Variants in NLRP9 observed in about 807,000 individuals in gnomAD.
NLRP9 encodes the protein NACHT, LRR and PYD domains-containing protein 9.
In NLRP9, 88 loss-of-function variants were observed where a neutral mutation model predicts 83.1. That is an observed-to-expected ratio of 1.06 (90% confidence interval 0.89 to 1.26). The LOEUF (loss-of-function observed/expected upper bound fraction) is 1.26, where lower values mean the gene tolerates loss of function less well. Ranked by LOEUF, NLRP9 falls within the 50% of genes most tolerant of loss-of-function variation. The probability of loss-of-function intolerance (pLI) is 0.00; values close to 1 mark genes in which losing one functional copy is unlikely to be tolerated. For missense variants in NLRP9, 1,308 were observed against 1,179.3 expected, an observed-to-expected ratio of 1.11 and a Z score of -1.60; for synonymous variants, 521 against 447.6, an observed-to-expected ratio of 1.16 and a Z score of -2.07.
At chr19:55,711,323 AT>A in intron 8 of NLRP9, 1 of 986,164 alleles carries the variant, frequency 1.0e-6, no homozygotes, top group African/African-American at 1.7e-5. Context: ...CATCCTACAG[AT>A]TTCAAATAGG....
rs760100132 is a variant in NLRP9 at position 55,724,157 on chromosome 19, A to T, written c.1995-13T>A. On this transcript the variant is annotated splice_polypyrimidine_tract_variant and intron_variant, in intron 3 of 8. Transcript: ENST00000332836. ...CACAGAAGTAAATCTGCAAAAGATT[A>T]AAAAAAAAATAGCATCATGCAATGA... 9.2e-6 allele frequency: 11 copies of T among 1,189,982 alleles called. No homozygotes were observed. Among genetic ancestry groups the T allele is most frequent in the Admixed American group, 2.4e-5 (1 of 41,536 alleles). The allele number at this position is 1,189,982 out of a possible 1,614,324, so 73.7% of individuals were successfully genotyped here.
At chr19:55,719,808 A>G (rs969298441) in intron 4 of NLRP9, among the ~76,000 whole-genome samples, 1 of 152,220 alleles carries the variant, frequency 6.6e-6, no homozygotes, top group Non-Finnish European at 1.5e-5. Flanking sequence ...AAGCTCAGTG[A>G]ATTTTTAAGC....
At chr19:55,736,763 G>A (rs1393315827) in intron 1 of NLRP9, among the ~76,000 whole-genome samples, 1 of 151,814 alleles carries the variant, frequency 6.6e-6, no homozygotes, top group Non-Finnish European at 1.5e-5. Flanking sequence ...GAACCTGGGA[G>A]GCAGAAGTTG....
Position 55,732,997 on chromosome 19 carries a change from C to T in NLRP9, c.834G>A (p.Leu278=), listed in dbSNP as rs1156555260. 3 of 1,614,026 alleles carry T rather than the reference C, an allele frequency of 1.9e-6. No individual in the cohort carries two copies. In the African/African-American group the frequency reaches 4.0e-5, roughly 22 times the overall value. Residue 278 remains leucine (L), a synonymous_variant, in exon 2 of 9, where the codon CTG becomes CTA. Transcript: ENST00000332836. ...ACATAAAATAGTGTTTTTGCATAGC[C>T]AGTTTTCCTAATGCAATAAGGAGAG... ...ESSLLIALGK[L]AMQKHYFMLR... is the part of the protein sequence containing the mutation.
chr19:55,731,980 G>T lies in NLRP9; in HGVS notation c.1832+19C>A, dbSNP rs756410048. The T allele has an allele frequency of 4.8e-6, 7 of 1,464,876 alleles. No individual in the cohort carries two copies. The highest frequency in any genetic ancestry group is 4.2e-5 in the Admixed American group (2 of 47,628). 90.7% of individuals were successfully genotyped at this position (1,464,876 alleles called of 1,614,324 possible). On this transcript the variant is annotated intron_variant, in intron 2 of 8. Coordinates refer to ENST00000332836, the MANE Select transcript of NLRP9 (RefSeq NM_176820.4). ...TCCAAGTGTAGTGTGTGGGACGGGG[G>T]ATTAATAGACAGACTCACTCTGAGA...
At chr19:55,723,150 A>G (rs1988283925) in intron 4 of NLRP9, among the ~76,000 whole-genome samples, 1 of 152,188 alleles carries the variant, frequency 6.6e-6, no homozygotes, top group South Asian at 2.1e-4. Flanking sequence ...TATAATAATA[A>G]TAATAATAGA....
chr19:55,731,771 G>C (rs1376188001), intron 2 of NLRP9, among the ~76,000 whole-genome samples: 1 of 149,238 alleles, frequency 6.7e-6, no homozygotes, highest in Non-Finnish European at 1.5e-5. Context: ...AATCTCACAC[G>C]AGCCCTATGA....
Position 55,711,825 on chromosome 19 carries a change from G to C in NLRP9, c.2818C>G (p.Pro940Ala). 2 of 1,613,254 alleles carry C rather than the reference G, an allele frequency of 1.2e-6. No homozygotes were observed. The highest frequency in any genetic ancestry group is 1.1e-5 in the South Asian group (1 of 91,078). The change falls in exon 8 of 9, where the codon CCG becomes GCG. Residue 940 changes from proline to alanine, a missense_variant. Transcript: ENST00000332836. ...VVVLCEALSH[P>A]DCALQMLGLH... is the part of the protein sequence containing the mutation. The stretch of plus-strand genomic sequence containing the variant: ...CCCAGCATCTGCAGGGCACAGTCCG[G>C]GTGGCTCAATGCCTCACACAGCACC...
intron 1 of NLRP9, among the ~76,000 whole-genome samples, chr19:55,736,708 C>T (rs891349671): frequency 6.6e-6 from 1 of 151,964 alleles, no homozygotes; most frequent in Non-Finnish European, 1.5e-5. Flanking sequence ...GTGGTGCATG[C>T]CTGTAATCCC....
In NLRP9 at chr19:55,712,422, G is replaced by T. The variant is rs146098794; in HGVS notation, c.2670C>A (p.Leu890=). The change falls in exon 7 of 9, where the codon CTC becomes CTA. Residue 890 remains leucine (L), a splice_region_variant and synonymous_variant. Coordinates refer to ENST00000332836, the MANE Select transcript of NLRP9 (RefSeq NM_176820.4). ...LQHPHCKLEC[L]GLQTCPITRA... ...GATGGTGATCAGTAGATACTCACCCGAGACACTCTAATTTACAGTGAGGAT... is the reference window on the plus strand; with the variant it reads ...GATGGTGATCAGTAGATACTCACCCTAGACACTCTAATTTACAGTGAGGAT... 6.2e-7 allele frequency: 1 copy of T among 1,611,358 alleles called. No homozygotes were observed. The highest frequency in any genetic ancestry group is 8.5e-7 in the Non-Finnish European group (1 of 1,178,760).
At chr19:55,729,050 C>CTTTTTTTTTTTTTTTTT (rs374589373) in intron 3 of NLRP9, among the ~76,000 whole-genome samples, 2 of 70,202 alleles carry the variant, frequency 2.8e-5, no homozygotes, top group African/African-American at 5.4e-5. Context: ...TTTTCTTTTT[C>CTTTTTTTTTTTTTTTTT]TTTTTTTTTT....
intron 4 of NLRP9, among the ~76,000 whole-genome samples, chr19:55,719,625 C>A (rs772564715): frequency 1.3e-5 from 2 of 152,146 alleles, no homozygotes; most frequent in Non-Finnish European, 2.9e-5. Flanking sequence ...TCTTCTGTGC[C>A]GCATAGAAAG....
At chr19:55,731,307 C>T (rs889978699) in intron 2 of NLRP9, among the ~76,000 whole-genome samples, 15 of 149,100 alleles carry the variant, frequency 1.0e-4, no homozygotes, top group East Asian at 2.0e-4. Context: ...TGGGGGATAC[C>T]GCACAAGCTA....
At position 55,729,359 on chromosome 19, in the gene NLRP9, A is replaced by G. The variant is rs534055136; in HGVS notation, c.1994+472T>C. On this transcript the variant is annotated intron_variant, in intron 3 of 8. Transcript: ENST00000332836. ...CATTAACTCGTCATTTACATTAGGT[A>G]TATCTCCTAATGCTATCCCTTCCCT... 3.6e-4 allele frequency among the ~76,000 whole-genome samples: 55 copies of G among 150,952 alleles called. 1 individual carries two copies. In the South Asian group the frequency reaches 0.011, roughly 30 times the overall value.
chr19:55,715,848 A>T (rs909038760), intron 5 of NLRP9, among the ~76,000 whole-genome samples: 4 of 152,248 alleles, frequency 2.6e-5, no homozygotes, highest in Non-Finnish European at 4.4e-5. Context: ...GCAACAGAGT[A>T]TACATATGGC....
chr19:55,710,997 A>C lies in NLRP9; in HGVS notation c.2843+803T>G, dbSNP rs991753594. ...GCTACTTGGGAGGCTGAGGCATGAG[A>C]ATTCCTTGAGCCCGGGAGGCAGGGG... On this transcript the variant is annotated intron_variant, in intron 8 of 8. Coordinates refer to ENST00000332836, the MANE Select transcript of NLRP9 (RefSeq NM_176820.4). Among the ~76,000 whole-genome samples the C allele has an allele frequency of 3.3e-5, 5 of 152,034 alleles. No individual in the cohort carries two copies. In the East Asian group the frequency reaches 9.7e-4, roughly 29 times the overall value.
intron 4 of NLRP9, among the ~76,000 whole-genome samples, chr19:55,723,727 CAAAAAA>C (rs10711721): frequency 3.8e-5 from 3 of 79,806 alleles, no homozygotes; most frequent in Admixed American, 1.6e-4. Context: ...GACCCTGTCT[CAAAAAA>C]AAAAAAAAAA....
At chr19:55,734,603 A>G (rs1176549929) in intron 1 of NLRP9, among the ~76,000 whole-genome samples, 1 of 119,832 alleles carries the variant, frequency 8.3e-6, no homozygotes, top group Non-Finnish European at 1.7e-5. Flanking sequence ...ATACATACAC[A>G]TACACACACA....
At position 55,711,836 on chromosome 19, in the gene NLRP9, G is replaced by A; in HGVS notation, c.2807C>T (p.Ala936Val). The A allele has an allele frequency of 6.2e-7, 1 of 1,613,302 alleles. No individual in the cohort carries two copies. Among genetic ancestry groups the A allele is most frequent in the Non-Finnish European group, 8.5e-7 (1 of 1,179,930 alleles). ...DADAVVVLCE[A>V]LSHPDCALQM... is the part of the protein sequence containing the mutation. ...CAGGGCACAGTCCGGGTGGCTCAAT[G>A]CCTCACACAGCACCACCACTGCATC... Residue 936 changes from alanine to valine, a missense_variant, in exon 8 of 9, where the codon GCA (alanine) becomes GTA (valine). Coordinates refer to ENST00000332836, the MANE Select transcript of NLRP9 (RefSeq NM_176820.4).
Sources: gnomAD v4.1 joint callset for allele counts (sites outside exome capture counted in the v4.1 genomes callset) on GRCh38, gnomAD v4.1.1 for gene constraint, MANE v1.5 for transcripts, NCBI Gene and HGNC (gene_info 2026-07-23, HGNC 2026-07-21) for gene names.